The following PACRG variants were observed in gnomAD, a reference collection of about 807,000 sequenced individuals.
PACRG encodes the protein parkin coregulated gene protein.
A neutral mutation model predicts 29.7 loss-of-function variants in PACRG; 29 were observed. The observed-to-expected ratio is 0.98, with a 90% confidence interval of 0.73 to 1.33. PACRG has a LOEUF of 1.33. PACRG is among the 40% of genes most tolerant of loss of function. The pLI is 0.00. For missense variants in PACRG, 279 were observed against 316.2 expected (o/e 0.88, Z 0.89); for synonymous variants, 116 against 118.7 (o/e 0.98, Z 0.15).
At chr6:163,127,133 G>A (rs1816548390) in intron 4 of PACRG, among the ~76,000 whole-genome samples, 1 of 152,196 alleles carries the variant, frequency 6.6e-6, no homozygotes, top group Non-Finnish European at 1.5e-5. Flanking sequence ...CAATGAAGTG[G>A]CAAGTGCCAT....
intron 4 of PACRG, among the ~76,000 whole-genome samples, chr6:163,099,530 A>T (rs997939371): frequency 2.6e-5 from 4 of 152,208 alleles, no homozygotes; most frequent in African/African-American, 4.8e-5. Context: ...CAGTCAGCTC[A>T]TAATTTGTAG....
chr6:163,298,373 G>T (rs1365175893), intron 4 of PACRG, among the ~76,000 whole-genome samples: 2 of 152,078 alleles, frequency 1.3e-5, no homozygotes. Context: ...CGCTGGATTG[G>T]CAAACACAAT....
chr6:163,157,737 G>A (rs1430728363), intron 4 of PACRG, among the ~76,000 whole-genome samples: 2 of 152,190 alleles, frequency 1.3e-5, no homozygotes, highest in African/African-American at 4.8e-5. Context: ...TGAATTAAAC[G>A]AAGCCACAAG....
chr6:163,015,109 T>C (rs1805974762), intron 2 of PACRG, among the ~76,000 whole-genome samples: 1 of 152,228 alleles, frequency 6.6e-6, no homozygotes, highest in South Asian at 2.1e-4. Context: ...TAGGAAGTCG[T>C]CTATTTGTTG....
intron 2 of PACRG, among the ~76,000 whole-genome samples, chr6:162,910,467 G>C (rs1440583660): frequency 6.6e-6 from 1 of 151,994 alleles, no homozygotes; most frequent in Non-Finnish European, 1.5e-5. Context: ...CTATAATTGT[G>C]CTCACTACTG....
At chr6:162,787,578 GTGTGTA>G (rs1384658392) in intron 1 of PACRG, among the ~76,000 whole-genome samples, 126 of 51,434 alleles carry the variant, frequency 2.4e-3, no homozygotes, top group African/African-American at 0.012. Flanking sequence ...GTGTGTGTGT[GTGTGTA>G]TATATATATA....
intron 2 of PACRG, among the ~76,000 whole-genome samples, chr6:162,866,445 G>A (rs906263950): frequency 6.6e-6 from 1 of 151,982 alleles, no homozygotes; most frequent in Admixed American, 6.6e-5. Flanking sequence ...ATTAAAGTCT[G>A]GCAACATTTA....
At chr6:163,307,440 G>T (rs1246304354) in intron 4 of PACRG, among the ~76,000 whole-genome samples, 1 of 152,224 alleles carries the variant, frequency 6.6e-6, no homozygotes, top group Non-Finnish European at 1.5e-5. Flanking sequence ...TTTGAAGTGG[G>T]TAAGCCCTTG....
intron 2 of PACRG, among the ~76,000 whole-genome samples, chr6:162,912,206 A>T (rs1007243019): frequency 2.6e-5 from 4 of 152,206 alleles, no homozygotes; most frequent in African/African-American, 7.2e-5. Flanking sequence ...GTATATTTCC[A>T]TCATTTAAAA....
intron 2 of PACRG, among the ~76,000 whole-genome samples, chr6:162,889,819 G>A (rs1450386922): frequency 6.6e-6 from 1 of 152,228 alleles, no homozygotes; most frequent in African/African-American, 2.4e-5. Context: ...CTCATTAAAT[G>A]AAGATATTGG....
chr6:163,116,256 A>C (rs1242830118), intron 4 of PACRG, among the ~76,000 whole-genome samples: 3 of 152,178 alleles, frequency 2.0e-5, no homozygotes, highest in Non-Finnish European at 2.9e-5. Context: ...TGGTTGGAGC[A>C]GGAGCGAGAT....
intron 2 of PACRG, among the ~76,000 whole-genome samples, chr6:163,034,907 T>A (rs937897509): frequency 3.9e-5 from 6 of 152,188 alleles, no homozygotes; most frequent in African/African-American, 1.4e-4. Context: ...GCTACTCCAT[T>A]GACAGAGCAG....
chr6:162,779,650 T>A (rs566336419), intron 1 of PACRG, among the ~76,000 whole-genome samples: 2 of 152,198 alleles, frequency 1.3e-5, no homozygotes, highest in Non-Finnish European at 2.9e-5. Context: ...AGGGAAAAGA[T>A]AGTCATGAGC....
intron 2 of PACRG, among the ~76,000 whole-genome samples, chr6:162,938,235 C>A (rs1798374847): frequency 1.3e-5 from 2 of 152,210 alleles, no homozygotes; most frequent in East Asian, 1.9e-4. Flanking sequence ...TAATTCATTC[C>A]TTTTTTATGG....
At chr6:162,812,578 T>G (rs561695306) in intron 1 of PACRG, among the ~76,000 whole-genome samples, 2 of 151,346 alleles carry the variant, frequency 1.3e-5, no homozygotes, top group African/African-American at 4.9e-5. Flanking sequence ...AAAAAATAAC[T>G]TTTTGGCAAC....
chr6:163,114,666 G>T (rs1333420746), intron 4 of PACRG, among the ~76,000 whole-genome samples: 2 of 152,202 alleles, frequency 1.3e-5, no homozygotes, highest in Non-Finnish European at 2.9e-5. Flanking sequence ...ACTTAAAGAA[G>T]CAGAGAATGG....
chr6:163,174,841 G>A (rs1174287436), intron 4 of PACRG, among the ~76,000 whole-genome samples: 1 of 152,026 alleles, frequency 6.6e-6, no homozygotes, highest in Admixed American at 6.6e-5. Context: ...AGGACAGTAG[G>A]TGCTTTGCCT....
chr6:162,854,850 C>T (rs1050878084), intron 2 of PACRG, among the ~76,000 whole-genome samples: 1 of 152,206 alleles, frequency 6.6e-6, no homozygotes, highest in Non-Finnish European at 1.5e-5. Flanking sequence ...TTCAGCAGAC[C>T]GTGACTTGCC....
intron 3 of PACRG, among the ~76,000 whole-genome samples, chr6:163,088,384 C>T (rs1813787588): frequency 6.6e-6 from 1 of 152,148 alleles, no homozygotes; most frequent in Non-Finnish European, 1.5e-5. Flanking sequence ...TTATCTGGCT[C>T]TTCTACTTAA....
Sources: allele counts gnomAD v4.1 joint callset (sites outside exome capture counted in the v4.1 genomes callset), GRCh38; gene constraint gnomAD v4.1.1; transcripts MANE v1.5; gene names NCBI Gene and HGNC (gene_info 2026-07-23, HGNC 2026-07-21).